Variants in ZNF559 observed in about 807,000 individuals in gnomAD.
ZNF559 encodes zinc finger protein 559.
ZNF559 carries 17 observed loss-of-function variants against 14.2 expected under a neutral mutation model. The observed-to-expected ratio is 1.20, with a 90% CI of 0.82 to 1.80. The LOEUF (loss-of-function observed/expected upper bound fraction) is 1.80. Among genes scored for constraint, ZNF559 ranks in the 40% most tolerant of loss-of-function variants. The pLI is 0.00. For synonymous variants in ZNF559, 244 were observed against 212.4 expected, an observed-to-expected ratio of 1.15 and a Z score of -1.29; for missense variants, 740 against 629.7, an observed-to-expected ratio of 1.18 and a Z score of -1.88.
chr19:9,324,494 C>G (rs1169099570), intron 1 of ZNF559: 7 of 1,372,590 alleles, frequency 5.1e-6, no homozygotes, highest in Non-Finnish European at 6.7e-6. Context: ...CTGCTCCCCT[C>G]TGCAGAAGCC....
intron 2 of ZNF559, among the ~76,000 whole-genome samples, chr19:9,335,506 C>G (rs1041137036): frequency 6.6e-6 from 1 of 152,176 alleles, no homozygotes; most frequent in South Asian, 2.1e-4. Flanking sequence ...AACTTTTGCA[C>G]AATGTGTGAT....
intron 2 of ZNF559, among the ~76,000 whole-genome samples, chr19:9,330,762 T>G (rs998487678): frequency 7.2e-5 from 11 of 152,222 alleles, no homozygotes; most frequent in African/African-American, 2.7e-4. Context: ...TTAAGATGAT[T>G]GTTATGACTT....
chr19:9,342,306 TAA>T lies in ZNF559; in HGVS notation c.857_858del (p.Lys286ThrfsTer5). 1 of 1,592,802 alleles carries T rather than the reference TAA, an allele frequency of 6.3e-7. No homozygotes were observed. ...CCTTTGCTTTTTCCCCAGATCTTGC[TAA>T]ACATATAAGACTTAGAACTAGAGGA... Reference protein sequence around the residue: ...KAFAFSPDLAKHIRLRTRGKH... With the variant: ...KAFAFSPDLAXHIRLRTRGKH... On this transcript the variant is annotated frameshift_variant, in exon 7 of 7. Coordinates refer to ENST00000603380, the MANE Select transcript of ZNF559 (RefSeq NM_032497.3). LOFTEE classifies it low-confidence loss of function (END_TRUNC).
intron 2 of ZNF559, among the ~76,000 whole-genome samples, chr19:9,336,549 C>T (rs557925843): frequency 2.6e-5 from 4 of 151,686 alleles, no homozygotes; most frequent in South Asian, 2.1e-4. Context: ...GAGCCAAGAT[C>T]GCGCCACTGC....
chr19:9,324,353 C>G, intron 1 of ZNF559, 125 bp downstream of exon 1: 5 of 1,514,268 alleles, frequency 3.3e-6, no homozygotes, highest in Non-Finnish European at 3.5e-6. Flanking sequence ...GCATTTCGAG[C>G]ATCTTGTGGG....
In ZNF559 at chr19:9,339,274, T is replaced by A. The variant is rs374264912; in HGVS notation, c.115T>A (p.Tyr39Asn). 6.2e-7 allele frequency: 1 copy of A among 1,613,850 alleles called. No individual in the cohort carries two copies. The highest frequency in any genetic ancestry group is 8.5e-7 in the Non-Finnish European group (1 of 1,179,926). ...TLLDQTQRNL[Y>N]RDVMLENYKN... ...GCTGGATCAAACTCAGAGAAACTTA[T>A]ACAGAGATGTGATGCTGGAGAACTA... Residue 39 changes from tyrosine (Y) to asparagine (N), a missense_variant, in exon 5 of 7, where the codon TAC becomes AAC. By Grantham distance (143) the Tyr-to-Asn change is moderately radical (BLOSUM62 -2). Coordinates refer to ENST00000603380, the MANE Select transcript of ZNF559 (RefSeq NM_032497.3).
At position 9,345,809 on chromosome 19, in the gene ZNF559, CTTTATA is replaced by C. The variant is rs1014146736; in HGVS notation, c.*2746_*2751del. ...CCTATTAGTGTATTTGATATTAATACTTTATATTTAATATAATGTACATTTAAATAT... is the reference window on the plus strand; with the variant it reads ...CCTATTAGTGTATTTGATATTAATACTTTAATATAATGTACATTTAAATAT... On this transcript the variant is annotated 3_prime_UTR_variant, in exon 7 of 7. Transcript: ENST00000603380. 15 of 151,188 alleles carry C rather than the reference CTTTATA, an allele frequency of 9.9e-5. No homozygotes were observed. The highest frequency in any genetic ancestry group is 2.0e-4 in the Admixed American group (3 of 15,172). 9.4% of individuals were successfully genotyped at this position (151,188 alleles called of 1,614,324 possible). A position where few individuals can be genotyped will look rare whatever the true frequency, so the allele number is the denominator to read the frequency against.
rs917889934 is a variant in ZNF559 at position 9,337,852 on chromosome 19, A to G, written c.-63A>G. 4.7e-6 allele frequency: 7 copies of G among 1,497,610 alleles called. No individual in the cohort carries two copies. In the South Asian group the frequency reaches 9.1e-5, roughly 19 times the overall value. The allele number at this position is 1,497,610 out of a possible 1,614,324, so 92.8% of individuals were successfully genotyped here. A position where few individuals can be genotyped will look rare whatever the true frequency, so the allele number is the denominator to read the frequency against. ...GATGAGTAATGCCTGTTGCTGAAAG[A>G]TTGACGGTATGAGGCAAGACTCCCA... On this transcript the variant is annotated 5_prime_UTR_variant, in exon 3 of 7. Coordinates refer to ENST00000603380, the MANE Select transcript of ZNF559 (RefSeq NM_032497.3).
At chr19:9,332,575 G>A (rs1275374032) in intron 2 of ZNF559, among the ~76,000 whole-genome samples, 1 of 152,106 alleles carries the variant, frequency 6.6e-6, no homozygotes, top group African/African-American at 2.4e-5. Context: ...CCCAGCCTTT[G>A]ATATACTATG....
chr19:9,335,867 A>C (rs1172740942), intron 2 of ZNF559, among the ~76,000 whole-genome samples: 1 of 152,236 alleles, frequency 6.6e-6, no homozygotes, highest in African/African-American at 2.4e-5. Context: ...ATGAATATTA[A>C]AAGAAAAACT....
Position 9,342,149 on chromosome 19 carries a change from A to G in ZNF559, c.698A>G (p.Gln233Arg), listed in dbSNP as rs2067612475. ...SHSTALFVHM[Q>R]TQDGEKFYEC... ...TCTACAGCCCTTTTTGTACACATGC[A>G]AACTCAAGATGGAGAAAAATTCTAT... The change falls in exon 7 of 7, where the codon CAA (glutamine) becomes CGA (arginine). Residue 233 changes from glutamine to arginine, a missense_variant. Coordinates refer to ENST00000603380, the MANE Select transcript of ZNF559 (RefSeq NM_032497.3). 1 of 1,613,134 alleles carries G rather than the reference A, an allele frequency of 6.2e-7. No homozygotes were observed. The highest frequency in any genetic ancestry group is 8.5e-7 in the Non-Finnish European group (1 of 1,179,770).
chr19:9,324,757 A>G lies in ZNF559; in HGVS notation c.-143A>G. 1 of 1,535,428 alleles carries G rather than the reference A, an allele frequency of 6.5e-7. No individual in the cohort carries two copies. The highest frequency in any genetic ancestry group is 8.7e-7 in the Non-Finnish European group (1 of 1,146,650). On this transcript the variant is annotated 5_prime_UTR_variant, in exon 2 of 7. Transcript: ENST00000603380. The stretch of plus-strand genomic sequence containing the variant: ...GCTTGGTGTCCTCCTGGCCTCAGCA[A>G]CCTGACAATTCTGTCGTGTCCCGGT...
chr19:9,333,984 T>TTACAA (rs3032389), intron 2 of ZNF559, among the ~76,000 whole-genome samples: 93,197 of 151,392 alleles, frequency 0.62, 29,397 homozygotes, highest in African/African-American at 0.75. Flanking sequence ...CCAAAAAGAG[T>TTACAA]TACGAGATGT....
chr19:9,336,596 AAAAAAAAAC>A (rs1426540590), intron 2 of ZNF559, among the ~76,000 whole-genome samples: 5 of 151,042 alleles, frequency 3.3e-5, no homozygotes, highest in Non-Finnish European at 5.9e-5. Context: ...CTCCATCTCA[AAAAAAAAAC>A]AAAAAAAAAC....
Position 9,343,061 on chromosome 19 carries a change from G to T in ZNF559, c.1610G>T (p.Cys537Phe). 1 of 1,608,818 alleles carries T rather than the reference G, an allele frequency of 6.2e-7. No individual in the cohort carries two copies. The highest frequency in any genetic ancestry group is 1.1e-5 in the South Asian group (1 of 90,582). The change falls in exon 7 of 7, where the codon TGT becomes TTT. Residue 537 changes from cysteine to phenylalanine, a missense_variant. Coordinates refer to ENST00000603380, the MANE Select transcript of ZNF559 (RefSeq NM_032497.3). ...TFSNSSCLTE[C>F]V ...AGTAATTCCTCATGCCTTACTGAATGTGTGTGAATTGGGGCTGATACTTGG... is the reference window on the plus strand; with the variant it reads ...AGTAATTCCTCATGCCTTACTGAATTTGTGTGAATTGGGGCTGATACTTGG...
Position 9,343,117 on chromosome 19 carries a change from C to T in ZNF559, c.*49C>T. The T allele has an allele frequency of 2.6e-6, 4 of 1,565,522 alleles. No homozygotes were observed. Among genetic ancestry groups the T allele is most frequent in the Non-Finnish European group, 3.4e-6 (4 of 1,160,962 alleles). On this transcript the variant is annotated 3_prime_UTR_variant, in exon 7 of 7. Transcript: ENST00000603380. ...ATGTGGTAAAGCCACTACTTCCTCA[C>T]ACTTACTGAACATGTACTCATTCAT... is the stretch of plus-strand genomic sequence containing the variant.
rs1555732073 is a variant in ZNF559 at position 9,344,710 on chromosome 19, CTA to C, written c.*1646_*1647del. ...AAATAAATTATTTAAGTTTGCCTTT[CTA>C]TATGTCTTTAAAGACTAATGATATT... is the stretch of plus-strand genomic sequence containing the variant. On this transcript the variant is annotated 3_prime_UTR_variant, in exon 7 of 7. Coordinates refer to ENST00000603380, the MANE Select transcript of ZNF559 (RefSeq NM_032497.3). The C allele has an allele frequency of 1.3e-5, 2 of 152,024 alleles. No individual in the cohort carries two copies. Among genetic ancestry groups the C allele is most frequent in the Non-Finnish European group, 2.9e-5 (2 of 67,998 alleles). 9.4% of individuals were successfully genotyped at this position (152,024 alleles called of 1,614,324 possible). A position where few individuals can be genotyped will look rare whatever the true frequency, so the allele number is the denominator to read the frequency against.
intron 1 of ZNF559, 116 bp from the exon 2 acceptor site, chr19:9,324,579 A>G: frequency 8.8e-7 from 1 of 1,141,676 alleles, no homozygotes; most frequent in Non-Finnish European, 1.2e-6. Flanking sequence ...GGATTACTTG[A>G]GGCCAGGAGT....
intron 3 of ZNF559, chr19:9,338,093 A>G: frequency 5.2e-6 from 7 of 1,346,098 alleles, no homozygotes; most frequent in Non-Finnish European, 6.2e-6. Context: ...ATTAGGGTTT[A>G]GGGTCTAAGT....
Sources: allele counts gnomAD v4.1 joint callset (sites outside exome capture counted in the v4.1 genomes callset), GRCh38; gene constraint gnomAD v4.1.1; transcripts MANE v1.5; gene names NCBI Gene and HGNC (gene_info 2026-07-23, HGNC 2026-07-21).